The following PHACTR2 variants were observed in gnomAD, a reference collection of about 807,000 sequenced individuals.
PHACTR2 encodes the protein chromosome 6 open reading frame 56.
PHACTR2 carries 30 observed loss-of-function variants against 76.0 expected under a neutral mutation model. The ratio of observed to expected loss-of-function variants is 0.39; its 90% CI spans 0.30 to 0.54. The LOEUF (loss-of-function observed/expected upper bound fraction) is 0.54. Ranked by LOEUF, PHACTR2 falls within the 20% of genes least tolerant of loss-of-function variation. The probability of loss-of-function intolerance (pLI) is 0.61; values close to 1 mark genes in which losing one functional copy is unlikely to be tolerated. For missense variants in PHACTR2, 696 were observed against 781.1 expected, an observed-to-expected ratio of 0.89 and a Z score of 1.30; for synonymous variants, 292 against 292.5, an observed-to-expected ratio of 1.00 and a Z score of 0.02.
Position 143,788,831 on chromosome 6 carries a change from A to G in PHACTR2, c.1766A>G (p.Glu589Gly). ...GCTCGAAGGATCCTGCGATTTAACG[A>G]GTATGTAGAAGTCACGGATTCTCCT... ...LQARRILRFN[E>G]YVEVTDSPDY... Residue 589 changes from glutamate (E) to glycine (G), a missense_variant, in exon 11 of 13, where the codon GAG becomes GGG. Glu to Gly is a moderately conservative substitution (Grantham distance 98). Around this residue, in one of 2 missense-constraint regions of PHACTR2, gnomAD observed 236 missense variants for 330.2 expected, o/e 0.71. Coordinates refer to ENST00000440869, the MANE Select transcript of PHACTR2 (RefSeq NM_001100164.2). 1.2e-6 allele frequency: 2 copies of G among 1,613,760 alleles called. No homozygotes were observed. The highest frequency in any genetic ancestry group is 1.7e-6 in the Non-Finnish European group (2 of 1,179,688).
chr6:143,682,324 C>A (rs1777409538), intron 1 of PHACTR2, among the ~76,000 whole-genome samples: 2 of 152,190 alleles, frequency 1.3e-5, no homozygotes, highest in Non-Finnish European at 1.5e-5. Flanking sequence ...CTCAAGCGAT[C>A]CTCCAACCTC....
At chr6:143,723,877 A>T (rs764946313) in intron 2 of PHACTR2, among the ~76,000 whole-genome samples, 1 of 152,026 alleles carries the variant, frequency 6.6e-6, no homozygotes, top group East Asian at 1.9e-4. Context: ...CAAGAGGTTG[A>T]TCTCTTGGTT....
intron 1 of PHACTR2, among the ~76,000 whole-genome samples, chr6:143,579,081 T>G (rs13203973): frequency 0.28 from 42,928 of 151,962 alleles, 6,069 homozygotes; most frequent in Middle Eastern, 0.41. Context: ...TTTTTGTGTT[T>G]TTTGTAGAGA....
intron 1 of PHACTR2, among the ~76,000 whole-genome samples, chr6:143,637,338 AAAGG>A (rs560636414): frequency 2.4e-4 from 37 of 152,194 alleles, no homozygotes; most frequent in East Asian, 1.9e-3. Flanking sequence ...GAAAGGAAGA[AAAGG>A]AAGGAAGGAA....
At chr6:143,808,889 A>G (rs921202915) in intron 12 of PHACTR2, among the ~76,000 whole-genome samples, 9 of 152,050 alleles carry the variant, frequency 5.9e-5, no homozygotes, top group African/African-American at 2.2e-4. Flanking sequence ...TTCCACTTCT[A>G]GGGTCGGGAA....
rs9484759 is a variant in PHACTR2 at position 143,537,546 on chromosome 6, A to T, written c.217+339A>T. ...TTGGCTTCCGAGGCTTTTCCATCAGAAAGAGGAACATTCTCGGTCTTCGGC... is the reference window on the plus strand; with the variant it reads ...TTGGCTTCCGAGGCTTTTCCATCAGTAAGAGGAACATTCTCGGTCTTCGGC... On this transcript the variant is annotated intron_variant, in intron 1 of 11. Transcript: ENST00000367584. The surrounding 1 kb of genome is among the most constrained non-coding windows in gnomAD (Gnocchi z 4.4). 2.2e-4 allele frequency among the ~76,000 whole-genome samples: 34 copies of T among 151,994 alleles called. No homozygotes were observed. Among genetic ancestry groups the T allele is most frequent in the Non-Finnish European group, 2.5e-4 (17 of 67,988 alleles).
Position 143,784,932 on chromosome 6 carries a change from A to C in PHACTR2, c.1707+1652A>C, listed in dbSNP as rs1221076066. ...TCTTCCTGGGTCCCTCCCACAACAC[A>C]TGGGAATTCTGGGAGATACAATTCA... On this transcript the variant is annotated intron_variant, in intron 10 of 12. Coordinates refer to ENST00000440869, the MANE Select transcript of PHACTR2 (RefSeq NM_001100164.2). This position sits in a 1 kb window ranked among gnomAD's most constrained non-coding sequence, Gnocchi z 4.5. 1.3e-5 allele frequency among the ~76,000 whole-genome samples: 2 copies of C among 152,284 alleles called. No homozygotes were observed. The highest frequency in any genetic ancestry group is 3.9e-4 in the East Asian group (2 of 5,180).
At position 143,596,538 on chromosome 6, in the gene PHACTR2, G is replaced by A. The variant is rs1775758312; in HGVS notation, c.217+59331G>A. Among the ~76,000 whole-genome samples, 2 of 152,296 alleles carry A rather than the reference G, an allele frequency of 1.3e-5. No homozygotes were observed. On this transcript the variant is annotated intron_variant, in intron 1 of 11. Transcript: ENST00000367584. The surrounding 1 kb of genome is among the most constrained non-coding windows in gnomAD (Gnocchi z 4.6). ...GTTTTTGAAAACACCAAAACTCTGT[G>A]TAAGAATCACAGCCATCAGGCCGGG...
In PHACTR2 at chr6:143,570,814, G is replaced by A. The variant is rs1775438192; in HGVS notation, c.217+33607G>A. Among the ~76,000 whole-genome samples the A allele has an allele frequency of 6.6e-6, 1 of 152,140 alleles. No homozygotes were observed. Among genetic ancestry groups the A allele is most frequent in the Middle Eastern group, 3.4e-3 (1 of 294 alleles). ...TGAGCACACTTTTGACGGTGGAGAT[G>A]CCGCTTTATTGCAAATCCCTCCCCG... On this transcript the variant is annotated intron_variant, in intron 1 of 11. Transcript: ENST00000367584. The surrounding 1 kb of genome is among the most constrained non-coding windows in gnomAD (Gnocchi z 4.6).
Position 143,730,954 on chromosome 6 carries a change from G to GCC in PHACTR2, c.215-18028_215-18027dup, listed in dbSNP as rs1562285563. On this transcript the variant is annotated intron_variant, in intron 2 of 12. Coordinates refer to ENST00000440869, the MANE Select transcript of PHACTR2 (RefSeq NM_001100164.2). The surrounding 1 kb of genome is among the most constrained non-coding windows in gnomAD (Gnocchi z 4.8). ...GTAGAGACGGGGTTTCACTATGTTG[G>GCC]CCCCAGGCTGGTCTGGAATTCCTGA... 6.6e-6 allele frequency among the ~76,000 whole-genome samples: 1 copy of GCC among 152,080 alleles called. No homozygotes were observed. The highest frequency in any genetic ancestry group is 1.5e-5 in the Non-Finnish European group (1 of 68,020).
chr6:143,733,072 T>A lies in PHACTR2; in HGVS notation c.215-15913T>A, dbSNP rs762934957. ...ACCCAACTTAATTTTAAAAAAAAAT[T>A]TTTTTTCATAGAGATGGAGGCTTGC... On this transcript the variant is annotated intron_variant, in intron 2 of 12. Transcript: ENST00000440869. This position sits in a 1 kb window ranked among gnomAD's most constrained non-coding sequence, Gnocchi z 4.0. Among the ~76,000 whole-genome samples, 15 of 151,938 alleles carry A rather than the reference T, an allele frequency of 9.9e-5. No homozygotes were observed. The highest frequency in any genetic ancestry group is 1.6e-4 in the Non-Finnish European group (11 of 67,972).
Position 143,772,213 on chromosome 6 carries a change from T to A in PHACTR2, c.1233-45T>A. 7.2e-7 allele frequency: 1 copy of A among 1,391,298 alleles called. No individual in the cohort carries two copies. The highest frequency in any genetic ancestry group is 1.0e-6 in the Non-Finnish European group (1 of 977,404). 86.2% of individuals were successfully genotyped at this position (1,391,298 alleles called of 1,614,324 possible). A position where few individuals can be genotyped will look rare whatever the true frequency, so the allele number is the denominator to read the frequency against. ...TCTTAGTGTCAGTGCCGCCAAGGGT[T>A]GCTCTGAGCTTCACATCACTCCCAT... On this transcript the variant is annotated intron_variant, in intron 6 of 12. Coordinates refer to ENST00000440869, the MANE Select transcript of PHACTR2 (RefSeq NM_001100164.2). This position sits in a 1 kb window ranked among gnomAD's most constrained non-coding sequence, Gnocchi z 5.4.
At position 143,738,136 on chromosome 6, in the gene PHACTR2, G is replaced by T. The variant is rs921228222; in HGVS notation, c.215-10849G>T. ...TTAAAGATTATACATTTTTGGCCAG[G>T]CGCTGTGGCCCACGCCTGTAATCCT... is the stretch of plus-strand genomic sequence containing the variant. On this transcript the variant is annotated intron_variant, in intron 2 of 12. Transcript: ENST00000440869. This position sits in a 1 kb window ranked among gnomAD's most constrained non-coding sequence, Gnocchi z 4.0. Among the ~76,000 whole-genome samples, 4 of 152,124 alleles carry T rather than the reference G, an allele frequency of 2.6e-5. No individual in the cohort carries two copies. The highest frequency in any genetic ancestry group is 9.7e-5 in the African/African-American group (4 of 41,422).
In PHACTR2 at chr6:143,753,981, C is replaced by A; in HGVS notation, c.454+69C>A. 2.8e-6 allele frequency: 3 copies of A among 1,064,732 alleles called. No homozygotes were observed. The highest frequency in any genetic ancestry group is 3.9e-6 in the Non-Finnish European group (3 of 767,388). The allele number at this position is 1,064,732 out of a possible 1,614,324, so 66.0% of individuals were successfully genotyped here. ...TCAATGTCTAGAACCAGCACTTAGG[C>A]TCCAACTAGTGACTCTAAAACCAGC... On this transcript the variant is annotated intron_variant, in intron 4 of 12. Transcript: ENST00000440869. The surrounding 1 kb of genome is among the most constrained non-coding windows in gnomAD (Gnocchi z 4.6).
In PHACTR2 at chr6:143,625,494, A is replaced by C. The variant is rs1371780714; in HGVS notation, c.13+17172A>C. On this transcript the variant is annotated intron_variant, in intron 1 of 11. Coordinates refer to the PHACTR2 transcript ENST00000305766. The surrounding 1 kb of genome is among the most constrained non-coding windows in gnomAD (Gnocchi z 4.3). ...CTCACAACATCAAAAAGGATAATAA[A>C]TATTATTGATAACTTATCGAATAGG... Among the ~76,000 whole-genome samples the C allele has an allele frequency of 6.6e-6, 1 of 152,218 alleles. No homozygotes were observed. The highest frequency in any genetic ancestry group is 1.5e-5 in the Non-Finnish European group (1 of 68,032).
In PHACTR2 at chr6:143,652,622, T is replaced by A. The variant is rs2128446490; in HGVS notation, c.13+44300T>A. 6.6e-6 allele frequency among the ~76,000 whole-genome samples: 1 copy of A among 152,366 alleles called. No individual in the cohort carries two copies. The highest frequency in any genetic ancestry group is 2.1e-4 in the South Asian group (1 of 4,828). ...AGATCTTATTAAAAAGCTCAGGGTT[T>A]CGGGAATCCGACTGTTCTGCAAATG... On this transcript the variant is annotated intron_variant, in intron 1 of 11. Coordinates refer to the PHACTR2 transcript ENST00000305766. This position sits in a 1 kb window ranked among gnomAD's most constrained non-coding sequence, Gnocchi z 4.5.
chr6:143,637,085 G>T (rs1423066891), intron 1 of PHACTR2, among the ~76,000 whole-genome samples: 3 of 152,226 alleles, frequency 2.0e-5, no homozygotes, highest in Admixed American at 2.0e-4. Context: ...GGCCTTCAGT[G>T]GTAGGGATGG....
At chr6:143,657,979 G>A (rs1776878929) in intron 1 of PHACTR2, among the ~76,000 whole-genome samples, 1 of 152,186 alleles carries the variant, frequency 6.6e-6, no homozygotes, top group Non-Finnish European at 1.5e-5. Flanking sequence ...GCACATCACA[G>A]TGTTTTATTG....
rs938418654 is a variant in PHACTR2 at position 143,774,733 on chromosome 6, A to G, written c.1589+518A>G. On this transcript the variant is annotated intron_variant, in intron 8 of 12. Transcript: ENST00000440869. The surrounding 1 kb of genome is among the most constrained non-coding windows in gnomAD (Gnocchi z 5.4). ...ACTGCAGAAATATTATTTGCCTTCA[A>G]TGGTCTGCCTCCATCCAAGTCAGGT... Among the ~76,000 whole-genome samples the G allele has an allele frequency of 9.9e-5, 15 of 152,170 alleles. No homozygotes were observed. Among genetic ancestry groups the G allele is most frequent in the Non-Finnish European group, 1.9e-4 (13 of 68,030 alleles).
Sources: allele counts gnomAD v4.1 joint callset (sites outside exome capture counted in the v4.1 genomes callset), GRCh38; gene constraint gnomAD v4.1.1; regional missense constraint gnomAD v4.1.1; non-coding constraint Gnocchi (gnomAD v3.1); transcripts MANE v1.5; gene names NCBI Gene and HGNC (gene_info 2026-07-23, HGNC 2026-07-21).